Variants in NCOR2 observed in about 807,000 individuals in gnomAD.
NCOR2 encodes the protein nuclear receptor corepressor 2.
In NCOR2, 81 loss-of-function variants were observed where a neutral mutation model predicts 262.9. That is an observed-to-expected ratio of 0.31 (90% confidence interval 0.26 to 0.37). The LOEUF (loss-of-function observed/expected upper bound fraction) is 0.37, where lower values mean the gene tolerates loss of function less well. NCOR2 is among the 10% of genes least tolerant of loss of function. The pLI, the probability that NCOR2 is intolerant of heterozygous loss-of-function variation, is 1.00. For synonymous variants in NCOR2, 1,659 were observed against 1,559.3 expected, an observed-to-expected ratio of 1.06 and a Z score of -1.51; for missense variants, 3,385 against 3,621.4, an observed-to-expected ratio of 0.93 and a Z score of 1.68.
intron 18 of NCOR2, among the ~76,000 whole-genome samples, chr12:124,375,260 G>A (rs2039896263): frequency 6.6e-6 from 1 of 152,170 alleles, no homozygotes; most frequent in African/African-American, 2.4e-5. Flanking sequence ...ACGTTGGGAG[G>A]CCAACGCTGA....
intron 2 of NCOR2, among the ~76,000 whole-genome samples, chr12:124,485,502 G>T (rs1464266308): frequency 6.6e-6 from 1 of 152,230 alleles, no homozygotes; most frequent in African/African-American, 2.4e-5. Flanking sequence ...CCCTGCGGAC[G>T]CCCTGACTTC....
chr12:124,363,797 A>G (rs920716408), exon 21 of NCOR2: 2 of 1,353,138 alleles, frequency 1.5e-6, no homozygotes, highest in Non-Finnish European at 9.6e-7. Context: ...TGGGGACAGC[A>G]GCCTGCGGGC....
In NCOR2 at chr12:124,440,851, G is replaced by A. The variant is rs754778222; in HGVS notation, c.816-2855C>T. ...GGGATCTACGTCATCAGAAGGACCCGGCTCTGGGAAGATCCAGAAGGAAGG... is the reference window on the plus strand; with the variant it reads ...GGGATCTACGTCATCAGAAGGACCCAGCTCTGGGAAGATCCAGAAGGAAGG... On this transcript the variant is annotated intron_variant, in intron 7 of 46. Coordinates refer to ENST00000405201, the Ensembl canonical transcript of NCOR2. This position sits in a 1 kb window ranked among gnomAD's most constrained non-coding sequence, Gnocchi z 5.7. 8.5e-5 allele frequency among the ~76,000 whole-genome samples: 13 copies of A among 152,280 alleles called. No homozygotes were observed. Among genetic ancestry groups the A allele is most frequent in the Middle Eastern group, 6.8e-3 (2 of 294 alleles).
chr12:124,371,492 G>A (rs1162261013), intron 20 of NCOR2, among the ~76,000 whole-genome samples: 3 of 152,248 alleles, frequency 2.0e-5, no homozygotes. Context: ...GAAGAAGAAA[G>A]TGTGGACACA....
intron 3 of NCOR2, among the ~76,000 whole-genome samples, chr12:124,479,772 C>A (rs2136763773): frequency 6.6e-6 from 1 of 152,356 alleles, no homozygotes; most frequent in South Asian, 2.1e-4. Context: ...AGGAGGGCAC[C>A]CCACCAGGGA....
intron 22 of NCOR2, among the ~76,000 whole-genome samples, chr12:124,360,630 C>A (rs751359480): frequency 6.6e-6 from 1 of 152,176 alleles, no homozygotes; most frequent in Non-Finnish European, 1.5e-5. Flanking sequence ...CCACACAATC[C>A]GGTCCCCACT....
intron 15 of NCOR2, 49 bp from the exon 18 acceptor site, chr12:124,398,230 T>C (rs778381165): frequency 6.3e-7 from 1 of 1,598,086 alleles, no homozygotes; most frequent in Admixed American, 1.7e-5. Context: ...GAGGAGGCAC[T>C]TTGCCTTCTG....
At position 124,333,847 on chromosome 12, in the gene NCOR2, C is replaced by A. The variant is rs931125198; in HGVS notation, c.6606-568G>T. 1.0e-4 allele frequency among the ~76,000 whole-genome samples: 12 copies of A among 116,168 alleles called. 1 individual carries two copies. Among genetic ancestry groups the A allele is most frequent in the Non-Finnish European group, 7.2e-5 (4 of 55,266 alleles). The allele number at this position is 116,168 out of a possible 152,430, so 76.2% of individuals were successfully genotyped here. A position where few individuals can be genotyped will look rare whatever the true frequency, so the allele number is the denominator to read the frequency against. On this transcript the variant is annotated intron_variant, in intron 41 of 46. Coordinates refer to ENST00000405201, the Ensembl canonical transcript of NCOR2. The stretch of plus-strand genomic sequence containing the variant: ...AGGGGTGTGCGGGTGCGCCTGTGTG[C>A]GGGTGTGCATGTGTGTGTGCGCATG...
chr12:124,419,926 C>T, intron 13 of NCOR2, 31 bp downstream of exon 15: 1 of 1,593,814 alleles, frequency 6.3e-7, no homozygotes. Context: ...AGGGAGCCTG[C>T]AAGGACAGTC....
chr12:124,404,240 G>A (rs984770016), intron 13 of NCOR2, among the ~76,000 whole-genome samples: 1 of 152,198 alleles, frequency 6.6e-6, no homozygotes. Flanking sequence ...GCTGGGGAGA[G>A]AGCCTTGGCC....
chr12:124,423,436 G>GCAGGAGGC (rs1192673242), intron 11 of NCOR2, among the ~76,000 whole-genome samples: 1 of 152,206 alleles, frequency 6.6e-6, no homozygotes, highest in Non-Finnish European at 1.5e-5. Flanking sequence ...AGATGGCTGG[G>GCAGGAGGC]CAGGAGGCCA....
chr12:124,359,624 C>G (rs531505327), intron 22 of NCOR2, among the ~76,000 whole-genome samples: 4 of 152,368 alleles, frequency 2.6e-5, no homozygotes, highest in African/African-American at 9.6e-5. Context: ...CTCTGGCTAC[C>G]CAGCCCTGTA....
intron 1 of NCOR2, among the ~76,000 whole-genome samples, chr12:124,542,340 C>G (rs893761794): frequency 6.6e-6 from 1 of 152,104 alleles, no homozygotes; most frequent in African/African-American, 2.4e-5. Flanking sequence ...GCGGCCACAC[C>G]GGCCACAACA....
At chr12:124,536,739 A>C (rs1470902245), upstream of NCOR2, among the ~76,000 whole-genome samples, 3 of 152,336 alleles carry the variant, frequency 2.0e-5, no homozygotes, top group Admixed American at 6.5e-5. Flanking sequence ...TTGCAAAAAC[A>C]GTTTGGCCAT....
Position 124,502,744 on chromosome 12 carries a change from T to C in NCOR2, c.-117-7376A>G, listed in dbSNP as rs976356350. ...TAAACAAGGCTGACGTGCGGTCTCCTGTGGCAAGTCTGCCTCTGGCGTCTC... is the reference window on the plus strand; with the variant it reads ...TAAACAAGGCTGACGTGCGGTCTCCCGTGGCAAGTCTGCCTCTGGCGTCTC... On this transcript the variant is annotated intron_variant, in intron 1 of 46. Transcript: ENST00000404621. 5.9e-5 allele frequency among the ~76,000 whole-genome samples: 9 copies of C among 152,190 alleles called. No homozygotes were observed. In the South Asian group the frequency reaches 1.4e-3, roughly 25 times the overall value.
chr12:124,492,510 C>T (rs181975915), intron 1 of NCOR2, among the ~76,000 whole-genome samples: 14 of 152,156 alleles, frequency 9.2e-5, no homozygotes, highest in South Asian at 8.3e-4. Context: ...CGGGAGTATG[C>T]GTGGAGGTGA....
At chr12:124,369,950 A>T (rs2039356014) in intron 20 of NCOR2, among the ~76,000 whole-genome samples, 1 of 152,184 alleles carries the variant, frequency 6.6e-6, no homozygotes, top group Non-Finnish European at 1.5e-5. Flanking sequence ...GTCCGGGGCC[A>T]GCCACATGGA....
chr12:124,400,061 G>T (rs1318616378), intron 15 of NCOR2, among the ~76,000 whole-genome samples: 1 of 152,094 alleles, frequency 6.6e-6, no homozygotes, highest in Non-Finnish European at 1.5e-5. Flanking sequence ...CACCTCATGG[G>T]AACCTGGGCC....
chr12:124,367,350 T>C (rs2039120960), intron 20 of NCOR2, among the ~76,000 whole-genome samples: 1 of 152,150 alleles, frequency 6.6e-6, no homozygotes, highest in African/African-American at 2.4e-5. Context: ...TACCACTTTA[T>C]AGTTTACAAG....
Sources: allele counts gnomAD v4.1 joint callset (sites outside exome capture counted in the v4.1 genomes callset), GRCh38; gene constraint gnomAD v4.1.1; non-coding constraint Gnocchi (gnomAD v3.1); transcripts MANE v1.5; gene names NCBI Gene and HGNC (gene_info 2026-07-23, HGNC 2026-07-21).